The following CNBD1 variants were observed in gnomAD, a reference collection of about 807,000 sequenced individuals.
CNBD1 encodes cyclic nucleotide-binding domain-containing protein 1.
Under a neutral mutation model 54.4 loss-of-function variants are expected in CNBD1, and 71 were observed. That is an observed-to-expected ratio of 1.30 (90% CI 1.08 to 1.59). CNBD1 has a LOEUF of 1.59. Among genes scored for constraint, CNBD1 ranks in the 40% most tolerant of loss-of-function variants. The probability of loss-of-function intolerance (pLI) is 0.00; values close to 1 mark genes in which losing one functional copy is unlikely to be tolerated. For synonymous variants in CNBD1, 182 were observed against 170.7 expected (o/e 1.07, Z -0.51); for missense variants, 659 against 518.0 (o/e 1.27, Z -2.64).
Position 87,284,666 on chromosome 8 carries a change from G to T in CNBD1, c.772-12G>T. On this transcript the variant is annotated splice_polypyrimidine_tract_variant and intron_variant, in intron 6 of 10. Transcript: ENST00000518476. ...GGTAATAAACATTAAATTGTCTCTG[G>T]TATTTTTACAGCTTAGCAAATGGAG... 1.3e-6 allele frequency: 2 copies of T among 1,589,742 alleles called. No individual in the cohort carries two copies. The highest frequency in any genetic ancestry group is 4.5e-5 in the East Asian group (2 of 44,440).
At chr8:87,391,412 T>C (rs1017746671) in intron 2 of CNBD1, among the ~76,000 whole-genome samples, 1 of 151,954 alleles carries the variant, frequency 6.6e-6, no homozygotes, top group Admixed American at 6.6e-5. Flanking sequence ...GCCAGAACAA[T>C]CCTGAAAGAG....
At chr8:87,388,541 A>C (rs569857182) in intron 2 of CNBD1, among the ~76,000 whole-genome samples, 1 of 152,316 alleles carries the variant, frequency 6.6e-6, no homozygotes, top group South Asian at 2.1e-4. Flanking sequence ...CACTCCCAAG[A>C]CTAAACCAGG....
In CNBD1 at chr8:87,109,623, C is replaced by T. The variant is rs529502729; in HGVS notation, c.432-96370C>T. Among the ~76,000 whole-genome samples, 190 of 150,388 alleles carry T rather than the reference C, an allele frequency of 1.3e-3. 1 individual carries two copies. Among genetic ancestry groups the T allele is most frequent in the South Asian group, 7.9e-3 (38 of 4,782 alleles). The stretch of plus-strand genomic sequence containing the variant: ...GCTTGATCTTGGCTCACTGCAAGCT[C>T]CGCCTCCTGGGTTCACGCCATTCTC... On this transcript the variant is annotated intron_variant, in intron 4 of 10. Coordinates refer to ENST00000518476, the MANE Select transcript of CNBD1 (RefSeq NM_173538.3).
At chr8:87,063,379 A>G (rs1810584104) in intron 4 of CNBD1, among the ~76,000 whole-genome samples, 1 of 152,134 alleles carries the variant, frequency 6.6e-6, no homozygotes, top group African/African-American at 2.4e-5. Flanking sequence ...CATTTATTGA[A>G]AAGACCATGA....
chr8:87,006,598 G>T (rs1252864496), intron 4 of CNBD1, among the ~76,000 whole-genome samples: 1 of 152,072 alleles, frequency 6.6e-6, no homozygotes, highest in Non-Finnish European at 1.5e-5. Context: ...TGAGAGAGTA[G>T]GGGGTAAGAG....
intron 4 of CNBD1, among the ~76,000 whole-genome samples, chr8:87,196,397 C>T (rs1748662528): frequency 1.3e-5 from 2 of 152,142 alleles, no homozygotes; most frequent in African/African-American, 4.8e-5. Flanking sequence ...AGCTCCCTTT[C>T]CTTTGTACAT....
At chr8:87,010,539 G>A (rs1586196366) in intron 4 of CNBD1, among the ~76,000 whole-genome samples, 1 of 152,214 alleles carries the variant, frequency 6.6e-6, no homozygotes, top group East Asian at 1.9e-4. Flanking sequence ...CCTGAGGTCA[G>A]GAGTTCAAGA....
chr8:87,228,305 A>T (rs1731852871), intron 5 of CNBD1, among the ~76,000 whole-genome samples: 1 of 151,232 alleles, frequency 6.6e-6, no homozygotes, highest in African/African-American at 2.5e-5. Flanking sequence ...CCTTTGGAGG[A>T]GGAGAGGCAC....
At chr8:87,358,997 T>A (rs898728843) in intron 10 of CNBD1, among the ~76,000 whole-genome samples, 1 of 152,178 alleles carries the variant, frequency 6.6e-6, no homozygotes, top group Non-Finnish European at 1.5e-5. Flanking sequence ...CATCTACTGA[T>A]TCAAATGCTA....
chr8:86,924,953 T>G (rs1462881210), intron 3 of CNBD1, among the ~76,000 whole-genome samples: 1 of 152,182 alleles, frequency 6.6e-6, no homozygotes, highest in African/African-American at 2.4e-5. Flanking sequence ...TATTTTTCTA[T>G]TGCATTTTTG....
rs998185102 is a variant in CNBD1 at position 87,350,827 on chromosome 8, A to T, written c.1043-858A>T. Among the ~76,000 whole-genome samples, 7 of 152,278 alleles carry T rather than the reference A, an allele frequency of 4.6e-5. No individual in the cohort carries two copies. In the East Asian group the frequency reaches 1.2e-3, roughly 25 times the overall value. ...ACTAATTTTAATTTATATATTGCCAAGTATTTAAATCATGATGATAATTTA... is the reference window on the plus strand; with the variant it reads ...ACTAATTTTAATTTATATATTGCCATGTATTTAAATCATGATGATAATTTA... On this transcript the variant is annotated intron_variant, in intron 8 of 10. Transcript: ENST00000518476.
Position 87,015,977 on chromosome 8 carries a change from C to CAAAAAAA in CNBD1, c.431+76242_431+76248dup, listed in dbSNP as rs58453987. 2.6e-3 allele frequency among the ~76,000 whole-genome samples: 147 copies of CAAAAAAA among 55,964 alleles called. 4 individuals are homozygous for CAAAAAAA. The highest frequency in any genetic ancestry group is 1.0e-2 in the African/African-American group (144 of 14,430). 36.7% of individuals were successfully genotyped at this position (55,964 alleles called of 152,430 possible). A position where few individuals can be genotyped will look rare whatever the true frequency, so the allele number is the denominator to read the frequency against. ...CCTGGGAAATAGTGAGAATCCGTCT[C>CAAAAAAA]AAAAAAAAAAAAAAAAAAAAAAAAA... On this transcript the variant is annotated intron_variant, in intron 4 of 10. Coordinates refer to ENST00000518476, the MANE Select transcript of CNBD1 (RefSeq NM_173538.3).
In CNBD1 at chr8:87,139,053, G is replaced by A. The variant is rs144632582; in HGVS notation, c.432-66940G>A. Among the ~76,000 whole-genome samples, 251 of 152,262 alleles carry A rather than the reference G, an allele frequency of 1.6e-3. 1 individual carries two copies. The highest frequency in any genetic ancestry group is 5.4e-3 in the African/African-American group (225 of 41,558). On this transcript the variant is annotated intron_variant, in intron 4 of 10. Coordinates refer to ENST00000518476, the MANE Select transcript of CNBD1 (RefSeq NM_173538.3). The stretch of plus-strand genomic sequence containing the variant: ...GGTTGGCATAGTGGCCTCTTTTGTC[G>A]TAATTTTTCATTCAAATTCTTGTTC...
At chr8:87,125,942 T>C (rs7013791) in intron 4 of CNBD1, among the ~76,000 whole-genome samples, 31,641 of 151,750 alleles carry the variant, frequency 0.21, 3,449 homozygotes, top group Middle Eastern at 0.25. Context: ...TATTCTTTTG[T>C]TTGATTTCTT....
chr8:87,227,724 G>A (rs1814537442), intron 5 of CNBD1, among the ~76,000 whole-genome samples: 1 of 148,838 alleles, frequency 6.7e-6, no homozygotes, highest in South Asian at 2.1e-4. Context: ...GTGTCTTGGA[G>A]TTGCTCTTCT....
chr8:86,936,245 G>A (rs1001343800), intron 3 of CNBD1, among the ~76,000 whole-genome samples: 9 of 152,070 alleles, frequency 5.9e-5, no homozygotes, highest in South Asian at 2.1e-4. Flanking sequence ...GGAGAGCTAC[G>A]TAATATAGCT....
intron 8 of CNBD1, among the ~76,000 whole-genome samples, chr8:87,311,008 C>T (rs930471886): frequency 3.3e-5 from 5 of 151,954 alleles, no homozygotes; most frequent in African/African-American, 1.2e-4. Flanking sequence ...TAGGAGAAAA[C>T]CTAGGAAACA....
At chr8:87,230,122 G>C (rs1278752149) in intron 5 of CNBD1, among the ~76,000 whole-genome samples, 1 of 152,174 alleles carries the variant, frequency 6.6e-6, no homozygotes, top group Non-Finnish European at 1.5e-5. Context: ...GAGGAACAGA[G>C]AGAAGAGGGA....
intron 8 of CNBD1, among the ~76,000 whole-genome samples, chr8:87,334,306 T>C (rs898455918): frequency 2.6e-5 from 4 of 152,024 alleles, no homozygotes; most frequent in African/African-American, 7.2e-5. Context: ...AACCTATTTT[T>C]TAATTTTTTC....
Sources: gnomAD v4.1 joint callset for allele counts (sites outside exome capture counted in the v4.1 genomes callset) on GRCh38, gnomAD v4.1.1 for gene constraint, MANE v1.5 for transcripts, NCBI Gene and HGNC (gene_info 2026-07-23, HGNC 2026-07-21) for gene names.